CADM2: variants seen among roughly 807,000 people sequenced by gnomAD.
The protein encoded by CADM2 is immunoglobulin superfamily member 4D.
CADM2 carries 12 observed loss-of-function variants against 49.8 expected under a neutral mutation model. That is an observed-to-expected ratio of 0.24 (90% confidence interval 0.15 to 0.39). The LOEUF is 0.39. Among genes scored for constraint, CADM2 ranks in the 10% least tolerant of loss-of-function variants. The pLI is 1.00. For synonymous variants in CADM2, 214 were observed against 175.4 expected (o/e 1.22, Z -1.74); for missense variants, 378 against 492.3 (o/e 0.77, Z 2.20).
chr3:85,797,504 C>G (rs139209005), intron 2 of CADM2, among the ~76,000 whole-genome samples: 4 of 152,062 alleles, frequency 2.6e-5, no homozygotes, highest in Non-Finnish European at 5.9e-5. Flanking sequence ...TGAGAACATG[C>G]GGTGTTTGGT....
intron 1 of CADM2, among the ~76,000 whole-genome samples, chr3:85,335,109 G>A (rs951305330): frequency 6.6e-6 from 1 of 151,384 alleles, no homozygotes; most frequent in Non-Finnish European, 1.5e-5. Context: ...CGGTCTTCAT[G>A]AGAACAAATT....
intron 1 of CADM2, among the ~76,000 whole-genome samples, chr3:85,489,114 G>T (rs1246009011): frequency 6.6e-6 from 1 of 152,030 alleles, no homozygotes; most frequent in East Asian, 1.9e-4. Context: ...TTATTTCAGA[G>T]TAATTGAAAT....
intron 1 of CADM2, among the ~76,000 whole-genome samples, chr3:85,267,497 C>CA (rs2043147651): frequency 6.6e-6 from 1 of 151,622 alleles, no homozygotes; most frequent in Non-Finnish European, 1.5e-5. Flanking sequence ...TTAAGATTGC[C>CA]ATATTTATTT....
chr3:85,745,700 T>C (rs1283783273), intron 2 of CADM2, among the ~76,000 whole-genome samples: 2 of 152,256 alleles, frequency 1.3e-5, no homozygotes, highest in Admixed American at 1.3e-4. Context: ...ACCCCATCTC[T>C]ACAAAAAATT....
At chr3:85,133,030 G>C (rs1462119149) in intron 1 of CADM2, among the ~76,000 whole-genome samples, 4 of 152,114 alleles carry the variant, frequency 2.6e-5, no homozygotes, top group Non-Finnish European at 5.9e-5. Context: ...GCAGACCTTT[G>C]CGGTGAGTGT....
intron 1 of CADM2, among the ~76,000 whole-genome samples, chr3:85,092,866 G>T (rs1054230151): frequency 4.6e-5 from 7 of 152,062 alleles, no homozygotes; most frequent in Admixed American, 4.6e-4. Context: ...TTACGACAAG[G>T]TGCATATTCT....
chr3:85,034,364 C>T (rs2035118057), intron 1 of CADM2, among the ~76,000 whole-genome samples: 1 of 152,058 alleles, frequency 6.6e-6, no homozygotes, highest in Non-Finnish European at 1.5e-5. Context: ...GGGACCTTTG[C>T]CTGGCTTATT....
At chr3:85,214,134 A>G (rs1229539016) in intron 1 of CADM2, among the ~76,000 whole-genome samples, 1 of 152,032 alleles carries the variant, frequency 6.6e-6, no homozygotes, top group East Asian at 2.0e-4. Flanking sequence ...CACAGTAGCC[A>G]TACCCACATT....
chr3:85,445,590 A>T (rs2107552903), intron 1 of CADM2, among the ~76,000 whole-genome samples: 1 of 152,236 alleles, frequency 6.6e-6, no homozygotes, highest in African/African-American at 2.4e-5. Flanking sequence ...TTATTTATCT[A>T]TGCATTTATC....
intron 1 of CADM2, among the ~76,000 whole-genome samples, chr3:85,154,878 C>G (rs1262297826): frequency 2.0e-5 from 3 of 151,244 alleles, no homozygotes; most frequent in Admixed American, 6.6e-5. Context: ...ACTTTACAGA[C>G]AAGCAAATGC....
chr3:85,247,208 T>A (rs1027192068), intron 1 of CADM2, among the ~76,000 whole-genome samples: 2 of 152,072 alleles, frequency 1.3e-5, no homozygotes, highest in Non-Finnish European at 2.9e-5. Context: ...AAGTTCACTG[T>A]AATTCACATT....
chr3:85,024,335 G>A (rs1001759658), intron 1 of CADM2, among the ~76,000 whole-genome samples: 2 of 152,044 alleles, frequency 1.3e-5, no homozygotes, highest in Admixed American at 6.6e-5. Context: ...GAAGCTTAGG[G>A]AATTTAAACT....
intron 8 of CADM2, chr3:86,012,751 A>G: frequency 1.4e-6 from 1 of 701,854 alleles, no homozygotes; most frequent in Non-Finnish European, 2.5e-6. Flanking sequence ...GCACTTTGGG[A>G]GGCCGAGGAG....
At chr3:85,118,022 A>T (rs2038707543) in intron 1 of CADM2, among the ~76,000 whole-genome samples, 1 of 152,044 alleles carries the variant, frequency 6.6e-6, no homozygotes, top group Non-Finnish European at 1.5e-5. Context: ...CTAAACTGCT[A>T]GTTTCTTCTG....
In CADM2 at chr3:84,977,252, A is replaced by G. The variant is rs941807466; in HGVS notation, c.61+17584A>G. Among the ~76,000 whole-genome samples the G allele has an allele frequency of 2.0e-5, 3 of 152,036 alleles. No homozygotes were observed. The South Asian group carries it at 6.2e-4, about 31-fold the overall frequency. On this transcript the variant is annotated intron_variant, in intron 1 of 9. Transcript: ENST00000383699. Reference sequence around the variant, plus strand: ...TTTGATGGACCCAGTGGGTACTGACATCATTGCACATGGTGAAAGAGATTT... The same window carrying G: ...TTTGATGGACCCAGTGGGTACTGACGTCATTGCACATGGTGAAAGAGATTT...
intron 1 of CADM2, among the ~76,000 whole-genome samples, chr3:85,677,729 G>A (rs1039639731): frequency 2.6e-5 from 4 of 152,212 alleles, no homozygotes; most frequent in African/African-American, 9.6e-5. Context: ...TATCTTTAAA[G>A]AGTTGATGCT....
chr3:85,300,638 G>A (rs1439425990), intron 1 of CADM2, among the ~76,000 whole-genome samples: 2 of 152,078 alleles, frequency 1.3e-5, no homozygotes. Flanking sequence ...GTTGCTATGT[G>A]CTATGGAACA....
chr3:85,115,266 G>A (rs918097220), intron 1 of CADM2, among the ~76,000 whole-genome samples: 4 of 152,144 alleles, frequency 2.6e-5, no homozygotes, highest in Non-Finnish European at 5.9e-5. Context: ...TTAATAAGCA[G>A]AATTTTAAAA....
At chr3:85,658,576 GTATATATATATATATATATA>G (rs397990421) in intron 1 of CADM2, among the ~76,000 whole-genome samples, 20 of 68,732 alleles carry the variant, frequency 2.9e-4, no homozygotes, top group African/African-American at 1.0e-3. Flanking sequence ...GGATATATGT[GTATATATATATATATATATA>G]TATATATATA....
Sources: gnomAD v4.1 joint callset for allele counts (sites outside exome capture counted in the v4.1 genomes callset) on GRCh38, gnomAD v4.1.1 for gene constraint, MANE v1.5 for transcripts, NCBI Gene and HGNC (gene_info 2026-07-23, HGNC 2026-07-21) for gene names.